LHFPL6: variants seen among roughly 807,000 people sequenced by gnomAD.
LHFPL6 encodes LHFPL tetraspan subfamily member 6, also known as LHFPL tetraspan subfamily member 6 protein.
LHFPL6 carries 9 observed loss-of-function variants against 20.6 expected under a neutral mutation model. The observed-to-expected ratio is 0.44, with a 90% CI of 0.26 to 0.76. The LOEUF is 0.76. Among genes scored for constraint, LHFPL6 ranks in the 30% least tolerant of loss-of-function variants. The pLI, the probability that LHFPL6 is intolerant of heterozygous loss-of-function variation, is 0.20. For synonymous variants in LHFPL6, 105 were observed against 98.7 expected (o/e 1.06, Z -0.38); for missense variants, 218 against 253.5 (o/e 0.86, Z 0.95).
intron 2 of LHFPL6, among the ~76,000 whole-genome samples, chr13:39,417,635 A>G (rs1335492350): frequency 6.6e-6 from 1 of 152,112 alleles, no homozygotes; most frequent in Non-Finnish European, 1.5e-5. Flanking sequence ...CACGGACCTC[A>G]TCTTTATTCC....
intron 2 of LHFPL6, among the ~76,000 whole-genome samples, chr13:39,533,998 A>T (rs6563722): frequency 0.87 from 133,003 of 152,114 alleles, 58,688 homozygotes; most frequent in Non-Finnish European, 0.93. Flanking sequence ...CATCCTAGTT[A>T]GGAACGTTCA....
At chr13:39,489,115 C>T (rs1373260702) in intron 2 of LHFPL6, among the ~76,000 whole-genome samples, 1 of 152,190 alleles carries the variant, frequency 6.6e-6, no homozygotes, top group Admixed American at 6.5e-5. Flanking sequence ...CTGACATGTT[C>T]TTTGACACAC....
chr13:39,434,881 C>A (rs1871912637), intron 2 of LHFPL6, among the ~76,000 whole-genome samples: 1 of 151,432 alleles, frequency 6.6e-6, no homozygotes, highest in South Asian at 2.1e-4. Context: ...AAGGTGAAAC[C>A]CCGTCTCTAC....
At chr13:39,533,872 T>C (rs1870539786) in intron 2 of LHFPL6, among the ~76,000 whole-genome samples, 1 of 152,212 alleles carries the variant, frequency 6.6e-6, no homozygotes, top group African/African-American at 2.4e-5. Context: ...GAAGAACCCG[T>C]ATTTGAATGG....
At chr13:39,389,336 G>C (rs1162143854) in intron 2 of LHFPL6, among the ~76,000 whole-genome samples, 16 of 152,148 alleles carry the variant, frequency 1.1e-4, no homozygotes, top group Admixed American at 9.8e-4. Flanking sequence ...GGGTCCCAGC[G>C]AATGTACCTT....
At chr13:39,547,051 C>G (rs917164141) in intron 2 of LHFPL6, among the ~76,000 whole-genome samples, 1 of 152,074 alleles carries the variant, frequency 6.6e-6, no homozygotes, top group African/African-American at 2.4e-5. Context: ...GCCCTAACAG[C>G]ATGAAGCCTC....
intron 2 of LHFPL6, among the ~76,000 whole-genome samples, chr13:39,390,385 C>T (rs991552656): frequency 1.3e-5 from 2 of 152,058 alleles, no homozygotes; most frequent in Non-Finnish European, 2.9e-5. Flanking sequence ...GTAGTCCCGA[C>T]TACTAAGGTG....
intron 3 of LHFPL6, among the ~76,000 whole-genome samples, chr13:39,349,998 T>C (rs1293068173): frequency 6.6e-6 from 1 of 152,176 alleles, no homozygotes; most frequent in African/African-American, 2.4e-5. Flanking sequence ...AAACTGTCAT[T>C]TGTATTGTTG....
chr13:39,409,443 G>A (rs1871200389), intron 2 of LHFPL6, among the ~76,000 whole-genome samples: 1 of 151,950 alleles, frequency 6.6e-6, no homozygotes, highest in Admixed American at 6.6e-5. Context: ...AACGGAGTGA[G>A]ACTCCATCTC....
At chr13:39,344,149 C>G in intron 3 of LHFPL6, 95 bp from the exon 4 acceptor site, 1 of 895,324 alleles carries the variant, frequency 1.1e-6, no homozygotes, top group Non-Finnish European at 1.8e-6. Context: ...TTCTGAAACA[C>G]CCTTTAGGAA....
chr13:39,592,793 C>G (rs1872651453), intron 2 of LHFPL6, among the ~76,000 whole-genome samples: 1 of 152,168 alleles, frequency 6.6e-6, no homozygotes, highest in Non-Finnish European at 1.5e-5. Context: ...TGGGCTTCAT[C>G]CCTGGGATGC....
chr13:39,383,729 G>A (rs1870496281), intron 2 of LHFPL6, among the ~76,000 whole-genome samples: 1 of 152,154 alleles, frequency 6.6e-6, no homozygotes. Flanking sequence ...TAAACTAGTG[G>A]GAGTTCTGGG....
intron 2 of LHFPL6, among the ~76,000 whole-genome samples, chr13:39,432,917 G>A (rs1871854775): frequency 6.6e-6 from 1 of 152,078 alleles, no homozygotes; most frequent in African/African-American, 2.4e-5. Flanking sequence ...CAATTTTATG[G>A]CTGAAGTATA....
intron 2 of LHFPL6, among the ~76,000 whole-genome samples, chr13:39,550,763 A>G (rs1000014473): frequency 4.1e-4 from 62 of 152,190 alleles, no homozygotes; most frequent in African/African-American, 1.5e-3. Context: ...TATTAAGTTA[A>G]CAATGGGCTT....
intron 3 of LHFPL6, among the ~76,000 whole-genome samples, chr13:39,348,074 T>C (rs920955892): frequency 6.6e-6 from 1 of 152,286 alleles, no homozygotes; most frequent in South Asian, 2.1e-4. Flanking sequence ...GGGTTGGCTA[T>C]CAGAGGACAA....
chr13:39,348,514 C>T (rs1869472386), intron 3 of LHFPL6, among the ~76,000 whole-genome samples: 1 of 152,150 alleles, frequency 6.6e-6, no homozygotes, highest in East Asian at 1.9e-4. Flanking sequence ...TCATGACAAA[C>T]TGCACCCTGC....
At chr13:39,493,788 A>G (rs1306486901) in intron 2 of LHFPL6, among the ~76,000 whole-genome samples, 15 of 152,316 alleles carry the variant, frequency 9.8e-5, no homozygotes, top group Non-Finnish European at 2.2e-4. Context: ...CCTATCATCA[A>G]TGTCCTCAGG....
At chr13:39,514,519 A>G (rs935956112) in intron 2 of LHFPL6, among the ~76,000 whole-genome samples, 1 of 152,332 alleles carries the variant, frequency 6.6e-6, no homozygotes, top group African/African-American at 2.4e-5. Context: ...TCCAGTCACG[A>G]ATGAGCACCA....
chr13:39,567,029 G>GTTTT (rs373103461), intron 2 of LHFPL6, among the ~76,000 whole-genome samples: 2 of 123,400 alleles, frequency 1.6e-5, no homozygotes, highest in Middle Eastern at 4.2e-3. Context: ...GTTAGCCAGG[G>GTTTT]TTTTTTTTTT....
Sources: allele counts gnomAD v4.1 joint callset (sites outside exome capture counted in the v4.1 genomes callset), GRCh38; gene constraint gnomAD v4.1.1; transcripts MANE v1.5; gene names NCBI Gene and HGNC (gene_info 2026-07-23, HGNC 2026-07-21).